Variants in SCN7A observed in about 807,000 individuals in gnomAD.
The protein encoded by SCN7A is sodium voltage-gated channel alpha subunit 7.
In SCN7A, 138 loss-of-function variants were observed where a neutral mutation model predicts 155.2. That is an observed-to-expected ratio of 0.89 (90% CI 0.77 to 1.02). The LOEUF is 1.02. Ranked by LOEUF, SCN7A falls within the 50% of genes least tolerant of loss-of-function variation. SCN7A has a pLI of 0.00. For synonymous variants in SCN7A, 693 were observed against 649.0 expected (o/e 1.07, Z -1.03); for missense variants, 2,058 against 1,986.6 (o/e 1.04, Z -0.68).
intron 20 of SCN7A, among the ~76,000 whole-genome samples, chr2:166,420,626 A>G (rs926605195): frequency 4.6e-5 from 7 of 152,018 alleles, no homozygotes; most frequent in African/African-American, 1.7e-4. Flanking sequence ...CATTTTTCAG[A>G]CATTGGCCAT....
chr2:166,436,451 G>T, intron 15 of SCN7A: 1 of 408,776 alleles, frequency 2.4e-6, no homozygotes. Flanking sequence ...CTGTGGAACC[G>T]TGAGTCAGTT....
Position 166,444,834 on chromosome 2 carries a change from G to A in SCN7A, c.1554C>T (p.Asn518=), listed in dbSNP as rs561659004. 2.2e-5 allele frequency: 36 copies of A among 1,611,164 alleles called. No individual in the cohort carries two copies. The highest frequency in any genetic ancestry group is 6.7e-5 in the African/African-American group (5 of 74,994). Residue 518 remains asparagine, a synonymous_variant, in exon 13 of 26, where the codon AAC becomes AAT. Transcript: ENST00000643258. The part of the protein sequence containing the change: ...DLFLIICIIL[N]VCFLTLEHYP... ...AATGCTCCAAGGTCAGAAAACATACGTTTAAAATTATGCATATGATAAGGA... is the reference window on the plus strand; with the variant it reads ...AATGCTCCAAGGTCAGAAAACATACATTTAAAATTATGCATATGATAAGGA...
At chr2:166,440,194 T>G (rs1701929202) in intron 15 of SCN7A, among the ~76,000 whole-genome samples, 1 of 152,188 alleles carries the variant, frequency 6.6e-6, no homozygotes, top group Non-Finnish European at 1.5e-5. Context: ...CTGAAGATTT[T>G]CAAAAAATCC....
In SCN7A at chr2:166,455,595, C is replaced by G. The variant is rs576265200; in HGVS notation, c.1290+1275G>C. 9.9e-5 allele frequency among the ~76,000 whole-genome samples: 15 copies of G among 152,062 alleles called. No individual in the cohort carries two copies. The South Asian group carries it at 2.9e-3, about 29-fold the overall frequency. On this transcript the variant is annotated intron_variant, in intron 11 of 25. Transcript: ENST00000643258. ...GGGCTGAAAAACTGCTTGTTGGGTA[C>G]CAAACGCTACCTGGGTGATGGGATC...
chr2:166,410,847 T>C (rs1302092363), intron 23 of SCN7A, among the ~76,000 whole-genome samples: 3 of 152,162 alleles, frequency 2.0e-5, no homozygotes, highest in Non-Finnish European at 4.4e-5. Context: ...TGAGGGCTTA[T>C]TCATTTTTGT....
intron 23 of SCN7A, among the ~76,000 whole-genome samples, chr2:166,411,008 G>C (rs768525370): frequency 6.6e-6 from 1 of 151,934 alleles, no homozygotes; most frequent in Non-Finnish European, 1.5e-5. Context: ...GCAAATCCTA[G>C]TATGTTATCC....
At chr2:166,491,255 C>G (rs1683096006) in intron 1 of SCN7A, among the ~76,000 whole-genome samples, 1 of 152,092 alleles carries the variant, frequency 6.6e-6, no homozygotes, top group South Asian at 2.1e-4. Flanking sequence ...GAGTGGGGCC[C>G]CAGCTTCTGC....
chr2:166,421,639 A>C (rs536565618), intron 19 of SCN7A, among the ~76,000 whole-genome samples: 1 of 152,110 alleles, frequency 6.6e-6, no homozygotes, highest in East Asian at 1.9e-4. Flanking sequence ...TTTCATAATT[A>C]CTTGTAATAC....
intron 15 of SCN7A, among the ~76,000 whole-genome samples, chr2:166,439,730 T>C (rs1300850860): frequency 3.3e-5 from 5 of 152,200 alleles, no homozygotes; most frequent in Non-Finnish European, 7.3e-5. Context: ...ATTTTTTACA[T>C]GTTGGGCACC....
At chr2:166,461,048 C>CTTTTTTT (rs34717897) in intron 10 of SCN7A, among the ~76,000 whole-genome samples, 2 of 96,678 alleles carry the variant, frequency 2.1e-5, no homozygotes, top group South Asian at 3.6e-4. Context: ...GTAATATTTT[C>CTTTTTTT]TTTTTTTTTT....
rs1559085122 is a variant in SCN7A, at chr2:166,409,909, A to G, written c.3738T>C (p.Asp1246=). 6.4e-7 allele frequency: 1 copy of G among 1,568,580 alleles called. No homozygotes were observed. The highest frequency in any genetic ancestry group is 1.4e-5 in the African/African-American group (1 of 73,766). The change falls in exon 25 of 26, where the codon GAT becomes GAC. Residue 1246 remains aspartate (D), a synonymous_variant. Coordinates refer to ENST00000643258, the MANE Select transcript of SCN7A (RefSeq NM_002976.4). ...CATTAAAAGCTTGGCTTGTTACCAC[A>G]TCAAAGATGAATCCTTGGAGCTTGT... ...PLNKLQGFIF[D]VVTSQAFNVI...
chr2:166,457,351 CTTCA>C (rs1447494745), intron 10 of SCN7A, among the ~76,000 whole-genome samples: 2 of 152,160 alleles, frequency 1.3e-5, no homozygotes, highest in African/African-American at 2.4e-5. Flanking sequence ...ATTTTTATGT[CTTCA>C]TTGATAGAGA....
chr2:166,482,030 G>C (rs1177049162), intron 2 of SCN7A, among the ~76,000 whole-genome samples: 1 of 152,068 alleles, frequency 6.6e-6, no homozygotes, highest in Admixed American at 6.6e-5. Context: ...CAGGCAGTGG[G>C]ATGATCCGAA....
In SCN7A at chr2:166,457,076, T is replaced by C. The variant is rs1702301581; in HGVS notation, c.1084A>G (p.Ile362Val). 6.3e-7 allele frequency: 1 copy of C among 1,593,514 alleles called. No homozygotes were observed. The highest frequency in any genetic ancestry group is 8.6e-7 in the Non-Finnish European group (1 of 1,168,842). The part of the protein sequence containing the change: ...QDYPEVLYHQ[I>V]LYASGKVYMI... ...TAGACCTTCCCAGAAGCATAAAGTA[T>C]CTAAGGAAAGGTAGAAAGTAAGGCA... Residue 362 changes from isoleucine (I) to valine (V), a missense_variant and splice_region_variant, in exon 11 of 26, where the codon ATA (isoleucine) becomes GTA (valine). Coordinates refer to ENST00000643258, the MANE Select transcript of SCN7A (RefSeq NM_002976.4).
intron 11 of SCN7A, among the ~76,000 whole-genome samples, chr2:166,450,552 A>G (rs1451003074): frequency 6.6e-6 from 1 of 152,206 alleles, no homozygotes; most frequent in Non-Finnish European, 1.5e-5. Flanking sequence ...CTGTAATCCC[A>G]GCACTTTGGG....
chr2:166,489,329 A>G (rs948718457), intron 1 of SCN7A, among the ~76,000 whole-genome samples: 2 of 152,218 alleles, frequency 1.3e-5, no homozygotes, highest in Non-Finnish European at 2.9e-5. Context: ...CCCTCTGGAC[A>G]TGAGTGAAGT....
chr2:166,440,040 T>C (rs1321089754), intron 15 of SCN7A, among the ~76,000 whole-genome samples: 2 of 152,236 alleles, frequency 1.3e-5, no homozygotes, highest in East Asian at 3.8e-4. Flanking sequence ...ACCTTTTCCA[T>C]AGATGCAGTG....
chr2:166,473,352 T>C (rs1196077599), intron 5 of SCN7A, among the ~76,000 whole-genome samples: 1 of 151,896 alleles, frequency 6.6e-6, no homozygotes, highest in Non-Finnish European at 1.5e-5. Context: ...ATTATATATA[T>C]ATTCAAGGAT....
intron 1 of SCN7A, among the ~76,000 whole-genome samples, chr2:166,488,632 C>CTTTTTT (rs200899928): frequency 1.4e-5 from 2 of 144,648 alleles, no homozygotes; most frequent in Non-Finnish European, 3.0e-5. Flanking sequence ...TCAACAGTTT[C>CTTTTTT]TTTTTTTTTT....
Sources: gnomAD v4.1 joint callset for allele counts (sites outside exome capture counted in the v4.1 genomes callset) on GRCh38, gnomAD v4.1.1 for gene constraint, MANE v1.5 for transcripts, NCBI Gene and HGNC (gene_info 2026-07-23, HGNC 2026-07-21) for gene names.